The following SLC35F6 variants were observed in gnomAD, a reference collection of about 807,000 sequenced individuals.
The protein encoded by SLC35F6 is ANT2-binding protein.
Under a neutral mutation model 29.4 loss-of-function variants are expected in SLC35F6, and 26 were observed. The ratio of observed to expected loss-of-function variants is 0.89; its 90% CI spans 0.65 to 1.23. The LOEUF (loss-of-function observed/expected upper bound fraction) is 1.23. Among genes scored for constraint, SLC35F6 ranks in the 50% most tolerant of loss-of-function variants. SLC35F6 has a pLI of 0.00. For missense variants in SLC35F6, 428 were observed against 487.8 expected (o/e 0.88, Z 1.15); for synonymous variants, 174 against 206.6 (o/e 0.84, Z 1.35).
intron 1 of SLC35F6, among the ~76,000 whole-genome samples, chr2:26,771,081 T>G (rs1664188740): frequency 6.6e-6 from 1 of 152,212 alleles, no homozygotes; most frequent in Admixed American, 6.5e-5. Context: ...CAGCCAGGCC[T>G]GTCTAGGCAG....
intron 1 of SLC35F6, among the ~76,000 whole-genome samples, chr2:26,772,392 C>A (rs1220219656): frequency 6.6e-6 from 1 of 152,210 alleles, no homozygotes; most frequent in Non-Finnish European, 1.5e-5. Context: ...AAAAGAAGTC[C>A]CGAGTCTTGC....
intron 1 of SLC35F6, among the ~76,000 whole-genome samples, chr2:26,771,146 C>A (rs1381725720): frequency 6.6e-6 from 1 of 152,178 alleles, no homozygotes; most frequent in Admixed American, 6.5e-5. Flanking sequence ...GAGCTCAGCA[C>A]CAGCCCTACA....
chr2:26,766,368 C>T (rs1376925961), intron 1 of SLC35F6, among the ~76,000 whole-genome samples: 1 of 152,186 alleles, frequency 6.6e-6, no homozygotes, highest in Admixed American at 6.5e-5. Flanking sequence ...GAGGCAGAAG[C>T]GGCTGGATCA....
chr2:26,777,129 G>T (rs1050561762), intron 5 of SLC35F6, among the ~76,000 whole-genome samples: 1 of 152,240 alleles, frequency 6.6e-6, no homozygotes, highest in Non-Finnish European at 1.5e-5. Context: ...AACTGGGGGA[G>T]CAGAGGCTGC....
chr2:26,776,574 G>T, intron 5 of SLC35F6, 92 bp downstream of exon 5: 1 of 1,164,096 alleles, frequency 8.6e-7, no homozygotes, highest in South Asian at 1.4e-5. Context: ...CACTTGTGGG[G>T]GGTGAACTTC....
chr2:26,772,913 T>C (rs1243536528), intron 1 of SLC35F6, among the ~76,000 whole-genome samples: 6 of 152,172 alleles, frequency 3.9e-5, no homozygotes, highest in Admixed American at 2.6e-4. Flanking sequence ...GTGTCTAGGC[T>C]CATCGGGGAA....
chr2:26,768,732 C>T (rs1353517938), intron 1 of SLC35F6, among the ~76,000 whole-genome samples: 3 of 150,854 alleles, frequency 2.0e-5, no homozygotes, highest in Non-Finnish European at 4.4e-5. Context: ...TCTAGGCTCA[C>T]TGCAACCTTG....
rs780126886 is a variant in SLC35F6, at chr2:26,781,063, C to A, written c.*2552C>A. On this transcript the variant is annotated 3_prime_UTR_variant, in exon 6 of 6. Transcript: ENST00000344420. ...ATGGACAGTGAGGATGATGGAGAGA[C>A]TACAGCTGCCTTGTCTAAAACCTGG... The A allele has an allele frequency of 5.9e-5, 9 of 152,132 alleles. No homozygotes were observed. Among genetic ancestry groups the A allele is most frequent in the Non-Finnish European group, 1.2e-4 (8 of 68,026 alleles). 9.4% of individuals were successfully genotyped at this position (152,132 alleles called of 1,614,324 possible). A position where few individuals can be genotyped will look rare whatever the true frequency, so the allele number is the denominator to read the frequency against.
chr2:26,773,506 A>AG (rs1436563562), intron 1 of SLC35F6, among the ~76,000 whole-genome samples: 161 of 151,508 alleles, frequency 1.1e-3, no homozygotes, highest in Non-Finnish European at 1.7e-3. Context: ...CCATTAAGAA[A>AG]AAAAAAAAAA....
In SLC35F6 at chr2:26,764,364, G is replaced by C; in HGVS notation, c.15G>C (p.Lys5Asn). 6.4e-7 allele frequency: 1 copy of C among 1,550,946 alleles called. No individual in the cohort carries two copies. The highest frequency in any genetic ancestry group is 8.7e-7 in the Non-Finnish European group (1 of 1,146,856). ...CGTCCGCCGACATGGCCTGGACCAA[G>C]TACCAGCTGTTCCTGGCCGGGCTCA... Reference protein sequence around the residue: MAWTKYQLFLAGLML... With the variant: MAWTNYQLFLAGLML... The change falls in exon 1 of 6, where the codon AAG becomes AAC. Residue 5 changes from lysine (K) to asparagine (N), a missense_variant. Transcript: ENST00000344420.
Position 26,778,105 on chromosome 2 carries a change from C to T in SLC35F6, c.710C>T (p.Ser237Phe), listed in dbSNP as rs552403890. The T allele has an allele frequency of 8.2e-5, 132 of 1,614,186 alleles. 1 individual carries two copies. In the South Asian group the frequency reaches 1.4e-3, roughly 17 times the overall value. The change falls in exon 6 of 6, where the codon TCC becomes TTC. Residue 237 changes from serine (S) to phenylalanine (F), a missense_variant. Ser to Phe is a radical substitution (Grantham distance 155). Coordinates refer to ENST00000344420, the MANE Select transcript of SLC35F6 (RefSeq NM_017877.4). ...CCCATGTACTACATCCCCGCCGGCT[C>T]CTTCAGCGGAAACCCTCGTGGGACA... ...LVPMYYIPAG[S>F]FSGNPRGTLE...
chr2:26,773,048 T>C lies in SLC35F6; in HGVS notation c.78-1203T>C, dbSNP rs187875542. 7.2e-5 allele frequency among the ~76,000 whole-genome samples: 11 copies of C among 152,266 alleles called. 1 individual carries two copies. In the East Asian group the frequency reaches 1.9e-3, roughly 27 times the overall value. On this transcript the variant is annotated intron_variant, in intron 1 of 5. Transcript: ENST00000344420. ...AGATCTTCCAAACCATTCAGGCTTTTTGAAGGTGAGCAGGTGGTCTGTATT... is the reference window on the plus strand; with the variant it reads ...AGATCTTCCAAACCATTCAGGCTTTCTGAAGGTGAGCAGGTGGTCTGTATT...
rs938761194 is a variant in SLC35F6 at position 26,768,609 on chromosome 2, G to A, written c.77+4183G>A. The stretch of plus-strand genomic sequence containing the variant: ...TCGATCTCCTGACCTCGCCCATCTC[G>A]GCCTCCCAAAGTGCTGGGATTACAG... On this transcript the variant is annotated intron_variant, in intron 1 of 5. Transcript: ENST00000344420. 8.0e-5 allele frequency among the ~76,000 whole-genome samples: 12 copies of A among 150,704 alleles called. No individual in the cohort carries two copies. The East Asian group carries it at 1.2e-3, about 15-fold the overall frequency.
At chr2:26,777,917 AAGG>A in intron 5 of SLC35F6, 122 bp from the exon 6 acceptor site, 1 of 853,180 alleles carries the variant, frequency 1.2e-6, no homozygotes, top group Non-Finnish European at 1.8e-6. Flanking sequence ...AGGGACGTGA[AAGG>A]AGGGAGCTGG....
rs761073156 is a variant in SLC35F6 at position 26,774,234 on chromosome 2, C to G, written c.78-17C>G. 6 of 1,613,940 alleles carry G rather than the reference C, an allele frequency of 3.7e-6. No homozygotes were observed. In the Admixed American group the frequency reaches 1.0e-4, roughly 27 times the overall value. On this transcript the variant is annotated splice_polypyrimidine_tract_variant and intron_variant, in intron 1 of 5. Coordinates refer to ENST00000344420, the MANE Select transcript of SLC35F6 (RefSeq NM_017877.4). Reference sequence around the variant, plus strand: ...TAGGATGCTGACAGGGTCTGACCTTCCCTCTCTCTCCTACAGATGGGCGGA... The same window carrying G: ...TAGGATGCTGACAGGGTCTGACCTTGCCTCTCTCTCCTACAGATGGGCGGA...
At position 26,775,254 on chromosome 2, in the gene SLC35F6, G is replaced by A. The variant is rs1169579191; in HGVS notation, c.322+39G>A. 1 of 1,593,620 alleles carries A rather than the reference G, an allele frequency of 6.3e-7. No individual in the cohort carries two copies. ...CCAGGCTGAGAAGGGCTCAGGGGAA[G>A]CTGTGGCTGAAGGGGCTACTGGTGA... On this transcript the variant is annotated intron_variant, in intron 3 of 5. Transcript: ENST00000344420. The surrounding 1 kb of genome is among the most constrained non-coding windows in gnomAD (Gnocchi z 4.6).
In SLC35F6 at chr2:26,775,171, C is replaced by T. The variant is rs1325596005; in HGVS notation, c.278C>T (p.Pro93Leu). The T allele has an allele frequency of 2.5e-6, 4 of 1,613,940 alleles. No homozygotes were observed. The highest frequency in any genetic ancestry group is 3.4e-6 in the Non-Finnish European group (4 of 1,180,030). ...QQPFNPLLFL[P>L]PALCDMTGTS... ...CCCTTCAACCCTCTTCTTTTCCTGC[C>T]CCCAGCGCTCTGTGACATGACAGGG... Residue 93 changes from proline (P) to leucine (L), a missense_variant, in exon 3 of 6, where the codon CCC (proline) becomes CTC (leucine). Transcript: ENST00000344420. This position sits in a 1 kb window ranked among gnomAD's most constrained non-coding sequence, Gnocchi z 4.6.
In SLC35F6 at chr2:26,775,094, C is replaced by T. The variant is rs762942081; in HGVS notation, c.201C>T (p.Leu67=). 4 of 1,614,042 alleles carry T rather than the reference C, an allele frequency of 2.5e-6. No individual in the cohort carries two copies. The African/African-American group carries it at 4.0e-5, about 16-fold the overall frequency. The change falls in exon 3 of 6, where the codon CTC becomes CTT. Residue 67 remains leucine, a synonymous_variant. Transcript: ENST00000344420. This position sits in a 1 kb window ranked among gnomAD's most constrained non-coding sequence, Gnocchi z 4.6. ...TCTCCTGCCTGGCTGCCTTCTACCT[C>T]CTCCGATGCAGAGCTGCAGGGCAAT... ...GEFSCLAAFY[L]LRCRAAGQSD...
chr2:26,778,038 C>T lies in SLC35F6; in HGVS notation c.647-4C>T. ...AGAGTGTAACTGTTTCCTCTACTCC[C>T]CAGGCCTCTTTGGCTTTGTGATCCT... is the stretch of plus-strand genomic sequence containing the variant. On this transcript the variant is annotated splice_region_variant and splice_polypyrimidine_tract_variant and intron_variant, in intron 5 of 5. Coordinates refer to ENST00000344420, the MANE Select transcript of SLC35F6 (RefSeq NM_017877.4). 6.2e-7 allele frequency: 1 copy of T among 1,608,340 alleles called. No homozygotes were observed. Among genetic ancestry groups the T allele is most frequent in the Non-Finnish European group, 8.5e-7 (1 of 1,175,970 alleles).
Sources: gnomAD v4.1 joint callset for allele counts (sites outside exome capture counted in the v4.1 genomes callset) on GRCh38, gnomAD v4.1.1 for gene constraint, Gnocchi (gnomAD v3.1) non-coding constraint, MANE v1.5 for transcripts, NCBI Gene and HGNC (gene_info 2026-07-23, HGNC 2026-07-21) for gene names.